KIF24: variants seen among roughly 807,000 people sequenced by gnomAD.
KIF24 encodes the protein kinesin-like protein KIF24.
A neutral mutation model predicts 118.9 loss-of-function variants in KIF24; 81 were observed. That is an observed-to-expected ratio of 0.68 (90% CI 0.57 to 0.82). The LOEUF (loss-of-function observed/expected upper bound fraction) is 0.82, where lower values mean the gene tolerates loss of function less well. Ranked by LOEUF, KIF24 falls within the 40% of genes least tolerant of loss-of-function variation. KIF24 has a pLI of 0.00. For missense variants in KIF24, 1,560 were observed against 1,661.6 expected, an observed-to-expected ratio of 0.94 and a Z score of 1.06; for synonymous variants, 599 against 610.0, an observed-to-expected ratio of 0.98 and a Z score of 0.27.
At chr9:34,263,032 G>T in intron 9 of KIF24, 69 bp downstream of exon 9, 1 of 1,222,714 alleles carries the variant, frequency 8.2e-7, no homozygotes, top group Non-Finnish European at 1.2e-6. Context: ...TCGACTGAAT[G>T]AACAAATACA....
At chr9:34,275,389 GT>G (rs760336155) in intron 6 of KIF24, among the ~76,000 whole-genome samples, 132 of 152,002 alleles carry the variant, frequency 8.7e-4, no homozygotes, top group Non-Finnish European at 1.5e-3. Flanking sequence ...GCAAGACTCT[GT>G]CTCAAAAACA....
chr9:34,314,957 A>T (rs932739155), intron 1 of KIF24, among the ~76,000 whole-genome samples: 1 of 152,232 alleles, frequency 6.6e-6, no homozygotes, highest in Non-Finnish European at 1.5e-5. Flanking sequence ...TAATAAATCT[A>T]TATCTTTGCT....
At chr9:34,314,310 C>A (rs557822231) in intron 1 of KIF24, among the ~76,000 whole-genome samples, 22 of 152,102 alleles carry the variant, frequency 1.4e-4, no homozygotes, top group African/African-American at 4.6e-4. Flanking sequence ...AGTACAGGCG[C>A]GCGCCACCAC....
chr9:34,263,496 T>G (rs566989901), intron 8 of KIF24, among the ~76,000 whole-genome samples: 134 of 152,306 alleles, frequency 8.8e-4, no homozygotes, highest in African/African-American at 3.0e-3. Flanking sequence ...GTGGTAGTTC[T>G]GGCTTGCTGG....
At chr9:34,319,094 A>G (rs1837428963) in intron 1 of KIF24, 1 of 1,349,636 alleles carries the variant, frequency 7.4e-7, no homozygotes. Context: ...TCGGTTCTAT[A>G]CCGTGGGTGT....
intron 4 of KIF24, among the ~76,000 whole-genome samples, chr9:34,296,253 G>A (rs1455514917): frequency 2.0e-4 from 29 of 142,946 alleles, no homozygotes; most frequent in Non-Finnish European, 3.8e-4. Flanking sequence ...GAGGCCGGGC[G>A]TGGTGGCTCA....
chr9:34,263,425 A>G (rs1475001115), intron 8 of KIF24, among the ~76,000 whole-genome samples: 3 of 152,116 alleles, frequency 2.0e-5, no homozygotes, highest in Admixed American at 6.5e-5. Flanking sequence ...CCCTGAGTTG[A>G]CGGCGGGGAA....
intron 4 of KIF24, among the ~76,000 whole-genome samples, chr9:34,294,779 A>C (rs1426399605): frequency 1.3e-5 from 2 of 152,228 alleles, no homozygotes; most frequent in African/African-American, 2.4e-5. Flanking sequence ...TCTCTATGAT[A>C]TTGTAGAACA....
intron 9 of KIF24, among the ~76,000 whole-genome samples, chr9:34,259,970 T>C (rs569619660): frequency 8.8e-4 from 134 of 152,256 alleles, no homozygotes; most frequent in African/African-American, 3.0e-3. Flanking sequence ...CATTCCTTGG[T>C]GAGGGTCCAG....
intron 4 of KIF24, among the ~76,000 whole-genome samples, chr9:34,293,779 G>A (rs970988561): frequency 2.0e-5 from 3 of 152,108 alleles, no homozygotes; most frequent in African/African-American, 7.2e-5. Flanking sequence ...TCAAAAAAAA[G>A]AACATGAAAA....
At position 34,253,424 on chromosome 9, in the gene KIF24, G is replaced by C. The variant is rs1273919668; in HGVS notation, c.*956C>G. On this transcript the variant is annotated 3_prime_UTR_variant, in exon 13 of 13. Transcript: ENST00000402558. ...GCAGAACTTGGCTGAAGGTTTGTGTGTGAATTCTGTTTCAGAGGCCTCAGA... is the reference window on the plus strand; with the variant it reads ...GCAGAACTTGGCTGAAGGTTTGTGTCTGAATTCTGTTTCAGAGGCCTCAGA... 1 of 152,246 alleles carries C rather than the reference G, an allele frequency of 6.6e-6. No homozygotes were observed. The highest frequency in any genetic ancestry group is 1.5e-5 in the Non-Finnish European group (1 of 68,072). The allele number at this position is 152,246 out of a possible 1,614,324, so 9.4% of individuals were successfully genotyped here.
Position 34,318,866 on chromosome 9 carries a change from A to T in KIF24, c.-25-7495T>A. 6.2e-7 allele frequency: 1 copy of T among 1,601,538 alleles called. No individual in the cohort carries two copies. On this transcript the variant is annotated intron_variant, in intron 1 of 12. Coordinates refer to ENST00000402558, the MANE Select transcript of KIF24 (RefSeq NM_194313.4). The surrounding 1 kb of genome is among the most constrained non-coding windows in gnomAD (Gnocchi z 4.9). Reference sequence around the variant, plus strand: ...CGTGCGCAGCAGCAAGCAGCACTACAACTGCGAGCACTCCAAGATCAATTT... The same window carrying T: ...CGTGCGCAGCAGCAAGCAGCACTACTACTGCGAGCACTCCAAGATCAATTT...
chr9:34,331,334 C>A (rs1346473904), upstream of KIF24, among the ~76,000 whole-genome samples: 1 of 152,184 alleles, frequency 6.6e-6, no homozygotes, highest in Non-Finnish European at 1.5e-5. Context: ...ATGTCAGACC[C>A]TCTATATATG....
In KIF24 at chr9:34,300,868, A is replaced by G. The variant is rs983954805; in HGVS notation, c.814-3754T>C. On this transcript the variant is annotated intron_variant, in intron 3 of 12. Coordinates refer to ENST00000402558, the MANE Select transcript of KIF24 (RefSeq NM_194313.4). ...CATTTCTCAAAAAAAAAAAAAAAAAAAAAAAAGAAAAAACCCACAACTAAA... is the reference window on the plus strand; with the variant it reads ...CATTTCTCAAAAAAAAAAAAAAAAAGAAAAAAGAAAAAACCCACAACTAAA... Among the ~76,000 whole-genome samples the G allele has an allele frequency of 2.2e-4, 33 of 150,358 alleles. No individual in the cohort carries two copies. The East Asian group carries it at 3.5e-3, about 16-fold the overall frequency.
chr9:34,306,255 C>A lies in KIF24; in HGVS notation c.810G>T (p.Leu270=). Residue 270 remains leucine (L), a synonymous_variant, in exon 3 of 13, where the codon CTG becomes CTT. Transcript: ENST00000402558. ...KEAVDLTQYI[L]QHVFYFDEVF... is the part of the protein sequence containing the mutation. ...ACATAAAACGAAAACATCATACCTGCAGAATATATTGAGTGAGGTCAACTG... is the reference window on the plus strand; with the variant it reads ...ACATAAAACGAAAACATCATACCTGAAGAATATATTGAGTGAGGTCAACTG... 1.3e-6 allele frequency: 2 copies of A among 1,584,292 alleles called. No individual in the cohort carries two copies. Among genetic ancestry groups the A allele is most frequent in the Non-Finnish European group, 8.6e-7 (1 of 1,164,898 alleles).
At chr9:34,255,242 A>G in intron 11 of KIF24, 77 bp from the exon 12 acceptor site, 1 of 900,184 alleles carries the variant, frequency 1.1e-6, no homozygotes, top group South Asian at 1.5e-5. Context: ...AGGTGATCTC[A>G]TTTGTAAGCT....
At chr9:34,281,392 A>G (rs7045680) in intron 6 of KIF24, among the ~76,000 whole-genome samples, 114,593 of 152,072 alleles carry the variant, frequency 0.75, 43,771 homozygotes, top group East Asian at 0.95. Context: ...ATCGTGAAAA[A>G]GGCTTCAGAG....
At chr9:34,266,352 C>T (rs778858287) in intron 8 of KIF24, among the ~76,000 whole-genome samples, 2 of 152,118 alleles carry the variant, frequency 1.3e-5, no homozygotes, top group Non-Finnish European at 2.9e-5. Context: ...AATACACAGA[C>T]TGAAGTCTCT....
At chr9:34,328,596 G>C (rs1837755330) in intron 1 of KIF24, among the ~76,000 whole-genome samples, 1 of 152,198 alleles carries the variant, frequency 6.6e-6, no homozygotes, top group Admixed American at 6.5e-5. Flanking sequence ...GAAGCAGAGA[G>C]ACAACAAGGC....
Sources: gnomAD v4.1 joint callset for allele counts (sites outside exome capture counted in the v4.1 genomes callset) on GRCh38, gnomAD v4.1.1 for gene constraint, Gnocchi (gnomAD v3.1) non-coding constraint, MANE v1.5 for transcripts, NCBI Gene and HGNC (gene_info 2026-07-23, HGNC 2026-07-21) for gene names.